The following PRKD1 variants were observed in gnomAD, a reference collection of about 807,000 sequenced individuals.
The protein encoded by PRKD1 is serine/threonine-protein kinase D1.
In PRKD1, 63 loss-of-function variants were observed where a neutral mutation model predicts 95.9. The ratio of observed to expected loss-of-function variants is 0.66; its 90% CI spans 0.54 to 0.81. The LOEUF is 0.81. PRKD1 is among the 30% of genes least tolerant of loss of function. The pLI is 0.00. For missense variants in PRKD1, 1,048 were observed against 1,165.3 expected (o/e 0.90, Z 1.47); for synonymous variants, 425 against 423.1 (o/e 1.00, Z -0.05).
chr14:29,647,587 T>C (rs1401240973), intron 4 of PRKD1, among the ~76,000 whole-genome samples: 2 of 152,200 alleles, frequency 1.3e-5, no homozygotes, highest in East Asian at 3.9e-4. Flanking sequence ...GTTTATGGTC[T>C]CACTGGAAAG....
chr14:29,611,418 T>C (rs1051599377), intron 13 of PRKD1, among the ~76,000 whole-genome samples: 3 of 152,122 alleles, frequency 2.0e-5, no homozygotes. Flanking sequence ...TGGGGAATCA[T>C]TGGCATTAAT....
intron 1 of PRKD1, among the ~76,000 whole-genome samples, chr14:29,793,627 T>C (rs1889667578): frequency 6.6e-6 from 1 of 152,082 alleles, no homozygotes. Context: ...GTATTTCTTA[T>C]TCAAATAGGA....
chr14:29,741,540 G>A (rs1162927917), intron 1 of PRKD1, among the ~76,000 whole-genome samples: 3 of 152,098 alleles, frequency 2.0e-5, no homozygotes, highest in Non-Finnish European at 4.4e-5. Context: ...GTTCGTTGTT[G>A]TTATTATAAG....
intron 1 of PRKD1, among the ~76,000 whole-genome samples, chr14:29,737,984 C>T (rs1357724393): frequency 6.6e-6 from 1 of 152,104 alleles, no homozygotes; most frequent in Non-Finnish European, 1.5e-5. Context: ...ACGTATGTAG[C>T]AATATAGTTG....
At chr14:29,721,153 G>T (rs571804207) in intron 2 of PRKD1, among the ~76,000 whole-genome samples, 1 of 152,068 alleles carries the variant, frequency 6.6e-6, no homozygotes, top group Non-Finnish European at 1.5e-5. Context: ...ATAGGCCCAC[G>T]CCTCTTCTGC....
At chr14:29,622,114 G>C (rs1055429267) in intron 13 of PRKD1, among the ~76,000 whole-genome samples, 1 of 152,126 alleles carries the variant, frequency 6.6e-6, no homozygotes, top group Non-Finnish European at 1.5e-5. Flanking sequence ...CTCATAAGGA[G>C]TGCACAACCA....
Position 29,655,443 on chromosome 14 carries a change from C to T in PRKD1, c.696+8256G>A, listed in dbSNP as rs577780826. Reference sequence around the variant, plus strand: ...CATTAGCTTCCTTTGTTAGAGTTACCGTAACAAGACCATCTTAGAATGGAT... The same window carrying T: ...CATTAGCTTCCTTTGTTAGAGTTACTGTAACAAGACCATCTTAGAATGGAT... On this transcript the variant is annotated intron_variant, in intron 4 of 17. Coordinates refer to ENST00000331968, the MANE Select transcript of PRKD1 (RefSeq NM_002742.3). Among the ~76,000 whole-genome samples, 11 of 152,132 alleles carry T rather than the reference C, an allele frequency of 7.2e-5. No individual in the cohort carries two copies. In the East Asian group the frequency reaches 7.7e-4, roughly 11 times the overall value.
intron 1 of PRKD1, among the ~76,000 whole-genome samples, chr14:29,890,867 AGTTAAT>A (rs898878799): frequency 3.9e-4 from 59 of 152,328 alleles, no homozygotes; most frequent in East Asian, 3.1e-3. Context: ...GTTGAATGAA[AGTTAAT>A]GTTAATGTTA....
At chr14:29,875,045 A>ACC (rs1893237747) in intron 1 of PRKD1, among the ~76,000 whole-genome samples, 1 of 152,218 alleles carries the variant, frequency 6.6e-6, no homozygotes, top group Non-Finnish European at 1.5e-5. Context: ...AAATATGTAA[A>ACC]ATATGTATCA....
chr14:29,896,842 G>C (rs78174223), intron 1 of PRKD1, among the ~76,000 whole-genome samples: 2,508 of 152,060 alleles, frequency 0.016, 30 homozygotes, highest in South Asian at 0.047. Flanking sequence ...TTTAGCAGAA[G>C]AATAGGGGGT....
chr14:29,643,259 T>C (rs1880917288), intron 4 of PRKD1, among the ~76,000 whole-genome samples: 1 of 151,776 alleles, frequency 6.6e-6, no homozygotes, highest in African/African-American at 2.4e-5. Flanking sequence ...TAAAGGTATT[T>C]TTTGTGTTAG....
intron 2 of PRKD1, among the ~76,000 whole-genome samples, chr14:29,678,456 T>A (rs896619538): frequency 1.3e-5 from 2 of 152,210 alleles, no homozygotes; most frequent in Non-Finnish European, 2.9e-5. Context: ...GAATAATTTA[T>A]TAGACAAGTT....
At chr14:29,673,458 C>G (rs887467284) in intron 2 of PRKD1, among the ~76,000 whole-genome samples, 6 of 152,208 alleles carry the variant, frequency 3.9e-5, no homozygotes. Context: ...TCAGTGTCGC[C>G]TATTCTGGGA....
intron 2 of PRKD1, among the ~76,000 whole-genome samples, 160 bp from the exon 3 acceptor site, chr14:29,666,368 T>C (rs45571231): frequency 0.022 from 3,330 of 151,994 alleles, 109 homozygotes; most frequent in African/African-American, 0.071. Flanking sequence ...CATTAGACAT[T>C]ATTCCCAGCC....
At chr14:29,824,325 T>C (rs1443698774) in intron 1 of PRKD1, among the ~76,000 whole-genome samples, 1 of 152,154 alleles carries the variant, frequency 6.6e-6, no homozygotes, top group African/African-American at 2.4e-5. Flanking sequence ...TCACTTTCCA[T>C]TTATGAAAAT....
At chr14:29,871,382 T>C (rs1219099158) in intron 1 of PRKD1, among the ~76,000 whole-genome samples, 1 of 152,212 alleles carries the variant, frequency 6.6e-6, no homozygotes, top group Admixed American at 6.5e-5. Flanking sequence ...AAGTTGTGAC[T>C]TTAAGCAACT....
intron 2 of PRKD1, among the ~76,000 whole-genome samples, chr14:29,677,719 CAT>C (rs1038615609): frequency 6.6e-6 from 1 of 152,188 alleles, no homozygotes; most frequent in African/African-American, 2.4e-5. Flanking sequence ...GGATTACAGA[CAT>C]GTGCCAGCAT....
At chr14:29,644,717 T>C (rs935723797) in intron 4 of PRKD1, among the ~76,000 whole-genome samples, 2 of 152,176 alleles carry the variant, frequency 1.3e-5, no homozygotes, top group African/African-American at 4.8e-5. Context: ...GACCTTTATA[T>C]ATGCCAAACT....
chr14:29,638,498 T>C lies in PRKD1; in HGVS notation c.976A>G (p.Ile326Val), dbSNP rs367823975. The change falls in exon 6 of 18, where the codon ATT (isoleucine) becomes GTT (valine). Residue 326 changes from isoleucine to valine, a missense_variant. Ile to Val is a conservative substitution (Grantham distance 29). Around this residue, in one of 3 missense-constraint regions of PRKD1, gnomAD observed 739 missense variants for 861.9 expected, o/e 0.86. Coordinates refer to ENST00000331968, the MANE Select transcript of PRKD1 (RefSeq NM_002742.3). ...VPNNCLGEVT[I>V]NGDLLSPGAE... ...CTGATCTTTTACCTACCTCCATTAA[T>C]GGTCACTTCGCCAAGGCAGTTGTTT... 8.7e-6 allele frequency: 14 copies of C among 1,614,030 alleles called. No homozygotes were observed. Among genetic ancestry groups the C allele is most frequent in the African/African-American group, 1.3e-5 (1 of 74,936 alleles).
Sources: gnomAD v4.1 joint callset for allele counts (sites outside exome capture counted in the v4.1 genomes callset) on GRCh38, gnomAD v4.1.1 for gene constraint, gnomAD v4.1.1 regional missense constraint, MANE v1.5 for transcripts, NCBI Gene and HGNC (gene_info 2026-07-23, HGNC 2026-07-21) for gene names.